Variants in PTCHD1 observed in about 807,000 individuals in gnomAD.
PTCHD1 encodes patched domain-containing protein 1.
A neutral mutation model predicts 34.6 loss-of-function variants in PTCHD1; 3 were observed. That is an observed-to-expected ratio of 0.09 (90% confidence interval 0.04 to 0.22). The LOEUF (loss-of-function observed/expected upper bound fraction) is 0.22. PTCHD1 is among the 10% of genes least tolerant of loss of function. PTCHD1 has a pLI of 1.00. For missense variants in PTCHD1, 504 were observed against 685.5 expected (o/e 0.74, Z 2.96); for synonymous variants, 305 against 283.1 (o/e 1.08, Z -0.77).
chrX:23,360,192 T>C lies in PTCHD1; in HGVS notation c.352-19399T>C, dbSNP rs181266835. Among the ~76,000 whole-genome samples, 3 of 112,195 alleles carry C rather than the reference T, an allele frequency of 2.7e-5. No homozygotes were observed. The East Asian group carries it at 8.4e-4, about 31-fold the overall frequency. ...TGAGTTAGGGAGGATTCCCTCTTTTTCATTGACTGGAATAGTTTCAGAAGG... is the reference window on the plus strand; with the variant it reads ...TGAGTTAGGGAGGATTCCCTCTTTTCCATTGACTGGAATAGTTTCAGAAGG... On this transcript the variant is annotated intron_variant, in intron 1 of 2. Transcript: ENST00000379361.
intron 1 of PTCHD1, among the ~76,000 whole-genome samples, chrX:23,346,019 C>A (rs1450005992): frequency 9.0e-6 from 1 of 111,433 alleles, no homozygotes; most frequent in Non-Finnish European, 1.9e-5. Context: ...GATACACCTC[C>A]CCCACAATAC....
In PTCHD1 at chrX:23,379,866, C is replaced by T. The variant is rs770972469; in HGVS notation, c.627C>T (p.Ile209=). Residue 209 remains isoleucine (I), a synonymous_variant, in exon 2 of 3, where the codon ATC becomes ATT. Coordinates refer to ENST00000379361, the MANE Select transcript of PTCHD1 (RefSeq NM_173495.3). ...ACCGGGTGAAATCTGCAGAGGCCATCCAGCTCACCTACTACCTGCAGTCAA... is the reference window on the plus strand; with the variant it reads ...ACCGGGTGAAATCTGCAGAGGCCATTCAGCTCACCTACTACCTGCAGTCAA... ...SKDRVKSAEA[I]QLTYYLQSIN... 4 of 1,210,030 alleles carry T rather than the reference C, an allele frequency of 3.3e-6. No individual in the cohort carries two copies. In the African/African-American group the frequency reaches 5.3e-5, roughly 16 times the overall value.
At chrX:23,353,038 T>C (rs1447632942) in intron 1 of PTCHD1, among the ~76,000 whole-genome samples, 1 of 112,214 alleles carries the variant, frequency 8.9e-6, no homozygotes, top group Non-Finnish European at 1.9e-5. Context: ...TGCTGCTAGA[T>C]AGAAAAAGAG....
intron 1 of PTCHD1, among the ~76,000 whole-genome samples, chrX:23,374,726 C>T (rs986096808): frequency 1.8e-5 from 2 of 111,045 alleles, no homozygotes; most frequent in African/African-American, 6.6e-5. Flanking sequence ...CTCAAGTAGC[C>T]GTAATAATGT....
chrX:23,350,266 T>A (rs902683598), intron 1 of PTCHD1, among the ~76,000 whole-genome samples: 1 of 110,836 alleles, frequency 9.0e-6, no homozygotes, highest in African/African-American at 3.3e-5. Context: ...TATTTTTTAC[T>A]TTTTTGGTGG....
At chrX:23,362,706 C>T (rs1192431722) in intron 1 of PTCHD1, among the ~76,000 whole-genome samples, 2 of 112,083 alleles carry the variant, frequency 1.8e-5, no homozygotes, top group East Asian at 2.8e-4. Flanking sequence ...GGAGAAGAGG[C>T]ACTCTGGTTT....
chrX:23,395,234 A>C lies in PTCHD1; in HGVS notation c.*1049A>C, dbSNP rs1290358690. The C allele has an allele frequency of 1.8e-5, 2 of 112,588 alleles. No individual in the cohort carries two copies. Among genetic ancestry groups the C allele is most frequent in the East Asian group, 5.6e-4 (2 of 3,598 alleles). 9.3% of individuals were successfully genotyped at this position (112,588 alleles called of 1,213,427 possible). On this transcript the variant is annotated 3_prime_UTR_variant, in exon 3 of 3. Coordinates refer to ENST00000379361, the MANE Select transcript of PTCHD1 (RefSeq NM_173495.3). Reference sequence around the variant, plus strand: ...CTGCCCACACAAAACTGCGGGGAAAAAAAATGAACACTGAAATAGTTATTT... The same window carrying C: ...CTGCCCACACAAAACTGCGGGGAAACAAAATGAACACTGAAATAGTTATTT...
At chrX:23,338,414 A>G (rs1157668220) in intron 1 of PTCHD1, among the ~76,000 whole-genome samples, 1 of 112,331 alleles carries the variant, frequency 8.9e-6, no homozygotes, top group Non-Finnish European at 1.9e-5. Context: ...ACCTAAAATG[A>G]AGTGTAAGTA....
intron 1 of PTCHD1, among the ~76,000 whole-genome samples, chrX:23,338,048 G>A (rs141587065): frequency 2.9e-3 from 324 of 111,800 alleles, no homozygotes; most frequent in Middle Eastern, 9.2e-3. Flanking sequence ...ATCTGGTTTG[G>A]AGGAGCTTTC....
chrX:23,361,360 T>C lies in PTCHD1; in HGVS notation c.352-18231T>C, dbSNP rs188434977. 6.3e-3 allele frequency among the ~76,000 whole-genome samples: 706 copies of C among 112,306 alleles called. 6 individuals are homozygous for C. The highest frequency in any genetic ancestry group is 0.021 in the African/African-American group (656 of 30,981). On this transcript the variant is annotated intron_variant, in intron 1 of 2. Coordinates refer to ENST00000379361, the MANE Select transcript of PTCHD1 (RefSeq NM_173495.3). ...GTATTGGGTGCATATATATTTAGGA[T>C]AGTTAGTTCTTCTTGTTGAATTGAT...
intron 1 of PTCHD1, among the ~76,000 whole-genome samples, chrX:23,338,863 G>A (rs1002880435): frequency 8.9e-6 from 1 of 112,107 alleles, no homozygotes; most frequent in Non-Finnish European, 1.9e-5. Context: ...AGTGGTAATT[G>A]GATCATAAGA....
intron 1 of PTCHD1, among the ~76,000 whole-genome samples, chrX:23,346,265 G>T (rs1164832127): frequency 8.9e-6 from 1 of 111,959 alleles, no homozygotes; most frequent in African/African-American, 3.3e-5. Flanking sequence ...TTAAAGAATG[G>T]TAAGGCAGAG....
chrX:23,394,419 C>G lies in PTCHD1; in HGVS notation c.*234C>G, dbSNP rs928933350. 2 of 292,857 alleles carry G rather than the reference C, an allele frequency of 6.8e-6. No individual in the cohort carries two copies. Among genetic ancestry groups the G allele is most frequent in the East Asian group, 6.1e-5 (1 of 16,502 alleles). The allele number at this position is 292,857 out of a possible 1,213,427, so 24.1% of individuals were successfully genotyped here. ...ATTCACACACACATAGACACACACA[C>G]ACACACACACACACACACACACACA... On this transcript the variant is annotated 3_prime_UTR_variant, in exon 3 of 3. Coordinates refer to ENST00000379361, the MANE Select transcript of PTCHD1 (RefSeq NM_173495.3).
chrX:23,359,815 T>A (rs1306411744), intron 1 of PTCHD1, among the ~76,000 whole-genome samples: 1 of 111,984 alleles, frequency 8.9e-6, no homozygotes, highest in Non-Finnish European at 1.9e-5. Flanking sequence ...TATTTTGAGG[T>A]ACTTTCCATC....
intron 2 of PTCHD1, among the ~76,000 whole-genome samples, chrX:23,386,022 T>C (rs1238012026): frequency 1.8e-5 from 2 of 111,206 alleles, no homozygotes; most frequent in African/African-American, 6.5e-5. Context: ...ATTCTCTGTG[T>C]ATACTATCTG....
Position 23,396,592 on chromosome X carries a change from T to G in PTCHD1, c.*2407T>G, listed in dbSNP as rs1187346243. 1 of 112,338 alleles carries G rather than the reference T, an allele frequency of 8.9e-6. No individual in the cohort carries two copies. Among genetic ancestry groups the G allele is most frequent in the Non-Finnish European group, 1.9e-5 (1 of 53,213 alleles). 9.3% of individuals were successfully genotyped at this position (112,338 alleles called of 1,213,427 possible). On this transcript the variant is annotated 3_prime_UTR_variant, in exon 3 of 3. Transcript: ENST00000379361. Reference sequence around the variant, plus strand: ...CAATTAAATGGATTTTGTTGAGAATTTAATCATTCAATTTGGTCAACCAGA... The same window carrying G: ...CAATTAAATGGATTTTGTTGAGAATGTAATCATTCAATTTGGTCAACCAGA...
At chrX:23,334,787 TGCCGCCGCCGCC>T (rs879170954), upstream of PTCHD1, 163 of 351,632 alleles carry the variant, frequency 4.6e-4, no homozygotes, top group African/African-American at 2.1e-3. Flanking sequence ...CGGGCGCCGC[TGCCGCCGCCGCC>T]GCCGCCGCCG....
chrX:23,382,832 A>G (rs1000981570), intron 2 of PTCHD1, among the ~76,000 whole-genome samples: 2 of 112,657 alleles, frequency 1.8e-5, no homozygotes, highest in African/African-American at 6.4e-5. Flanking sequence ...ACATGTTTTA[A>G]TAGCTAAGGC....
chrX:23,357,507 C>T (rs748112828), intron 1 of PTCHD1, among the ~76,000 whole-genome samples: 136 of 110,910 alleles, frequency 1.2e-3, no homozygotes, highest in Non-Finnish European at 2.2e-3. Context: ...TCCCAAAATT[C>T]CACCCATGAG....
Sources: gnomAD v4.1 joint callset for allele counts (sites outside exome capture counted in the v4.1 genomes callset) on GRCh38, gnomAD v4.1.1 for gene constraint, MANE v1.5 for transcripts, NCBI Gene and HGNC (gene_info 2026-07-23, HGNC 2026-07-21) for gene names.